The following GAN variants were observed in gnomAD, a reference collection of about 807,000 sequenced individuals.
The protein encoded by GAN is epididymis secretory sperm binding protein.
Under a neutral mutation model 71.3 loss-of-function variants are expected in GAN, and 48 were observed. The ratio of observed to expected loss-of-function variants is 0.67; its 90% confidence interval spans 0.53 to 0.86. The LOEUF (loss-of-function observed/expected upper bound fraction) is 0.86, where lower values mean the gene tolerates loss of function less well. Among genes scored for constraint, GAN ranks in the 40% least tolerant of loss-of-function variants. GAN has a pLI of 0.00. For missense variants in GAN, 928 were observed against 770.1 expected, an observed-to-expected ratio of 1.21 and a Z score of -2.43; for synonymous variants, 386 against 276.8, an observed-to-expected ratio of 1.39 and a Z score of -3.92.
chr16:81,337,182 T>C (rs957450594), intron 1 of GAN, among the ~76,000 whole-genome samples: 1 of 152,152 alleles, frequency 6.6e-6, no homozygotes, highest in African/African-American at 2.4e-5. Context: ...ATGTGAATTA[T>C]TAGTTTGGCA....
chr16:81,321,904 A>C (rs1297116237), intron 1 of GAN, among the ~76,000 whole-genome samples: 1 of 152,194 alleles, frequency 6.6e-6, no homozygotes, highest in African/African-American at 2.4e-5. Flanking sequence ...AGCCACAACA[A>C]ATCCAAAGAA....
intron 1 of GAN, among the ~76,000 whole-genome samples, chr16:81,324,122 A>G (rs1909303771): frequency 2.0e-5 from 3 of 152,190 alleles, no homozygotes; most frequent in Admixed American, 6.5e-5. Flanking sequence ...TAATTGGCTG[A>G]TTTGACCCTT....
intron 9 of GAN, among the ~76,000 whole-genome samples, chr16:81,376,673 CATATGTGT>C (rs1388411128): frequency 3.2e-4 from 47 of 145,114 alleles, no homozygotes; most frequent in African/African-American, 1.0e-3. Context: ...TGTGTATATA[CATATGTGT>C]ATATGTGTAT....
At position 81,364,319 on chromosome 16, in the gene GAN, G is replaced by T. The variant is rs59491967; in HGVS notation, c.1236+376G>T. Among the ~76,000 whole-genome samples the T allele has an allele frequency of 2.2e-3, 337 of 152,228 alleles. 1 individual carries two copies. The highest frequency in any genetic ancestry group is 7.8e-3 in the African/African-American group (324 of 41,552). On this transcript the variant is annotated intron_variant, in intron 7 of 10. Transcript: ENST00000648994. ...GGGTCTTACTCTGTTGCCCAGATTA[G>T]AGTGCGGTGGCGCCATCTTGGCTCA...
chr16:81,330,621 G>A (rs548682012), intron 1 of GAN, among the ~76,000 whole-genome samples: 1 of 152,344 alleles, frequency 6.6e-6, no homozygotes, highest in South Asian at 2.1e-4. Context: ...ATAGAGGATA[G>A]AAATCATCAT....
At chr16:81,345,830 A>G (rs909321525) in intron 1 of GAN, among the ~76,000 whole-genome samples, 1 of 152,172 alleles carries the variant, frequency 6.6e-6, no homozygotes, top group African/African-American at 2.4e-5. Flanking sequence ...GACGCATGCA[A>G]GTTTTCCACA....
chr16:81,333,739 A>G (rs1024508681), intron 1 of GAN, among the ~76,000 whole-genome samples: 1 of 152,218 alleles, frequency 6.6e-6, no homozygotes, highest in Admixed American at 6.5e-5. Flanking sequence ...AGTACCTAAT[A>G]TCTCACCTGG....
rs922323316 is a variant in GAN at position 81,314,978 on chromosome 16, T to C, written c.-136T>C. 13 of 704,280 alleles carry C rather than the reference T, an allele frequency of 1.8e-5. No individual in the cohort carries two copies. The highest frequency in any genetic ancestry group is 2.7e-5 in the Non-Finnish European group (13 of 484,134). 43.6% of individuals were successfully genotyped at this position (704,280 alleles called of 1,614,324 possible). On this transcript the variant is annotated 5_prime_UTR_variant, in exon 1 of 11. Coordinates refer to ENST00000648994, the MANE Select transcript of GAN (RefSeq NM_022041.4). The stretch of plus-strand genomic sequence containing the variant: ...GCGCGCCGCGGATAGCACAGGCACG[T>C]CCCGGGGGCTCCAGCTTCTGCTCAG...
chr16:81,362,558 G>A lies in GAN; in HGVS notation c.1033G>A (p.Glu345Lys). The A allele has an allele frequency of 1.9e-6, 3 of 1,610,410 alleles. No individual in the cohort carries two copies. Among genetic ancestry groups the A allele is most frequent in the Non-Finnish European group, 2.5e-6 (3 of 1,176,576 alleles). ...DENKQTLSSG[E>K]KYDPDANTWT... Reference sequence around the variant, plus strand: ...AAATAAGCAGACTCTTAGCTCAGGAGAAAAGTATGATCCAGATGCAAATAC... The same window carrying A: ...AAATAAGCAGACTCTTAGCTCAGGAAAAAAGTATGATCCAGATGCAAATAC... The change falls in exon 6 of 11, where the codon GAA becomes AAA. Residue 345 changes from glutamate to lysine, a missense_variant. Transcript: ENST00000648994.
Position 81,377,478 on chromosome 16 carries a change from C to A in GAN, c.1676C>A (p.Pro559Gln). 2 of 1,614,046 alleles carry A rather than the reference C, an allele frequency of 1.2e-6. No homozygotes were observed. The highest frequency in any genetic ancestry group is 1.7e-6 in the Non-Finnish European group (2 of 1,179,898). Residue 559 changes from proline (P) to glutamine (Q), a missense_variant, in exon 11 of 11, where the codon CCA (proline) becomes CAA (glutamine). Physicochemically the swap from Pro to Gln is moderately conservative, Grantham distance 76 (BLOSUM62 -1). Coordinates refer to ENST00000648994, the MANE Select transcript of GAN (RefSeq NM_022041.4). ...RSTGTWHHTK[P>Q]LLPSDLRRTG... is the part of the protein sequence containing the mutation. The stretch of plus-strand genomic sequence containing the variant: ...ACAGGAACCTGGCACCACACTAAAC[C>A]ACTCCTTCCATCCGACCTTCGCCGT...
At chr16:81,317,779 A>G (rs1236258694) in intron 1 of GAN, among the ~76,000 whole-genome samples, 4 of 152,196 alleles carry the variant, frequency 2.6e-5, no homozygotes, top group Admixed American at 2.0e-4. Flanking sequence ...GGCTTACAAT[A>G]TCTTAGAATT....
chr16:81,362,760 C>G (rs77970495), intron 6 of GAN, 149 bp downstream of exon 6: 2 of 698,108 alleles, frequency 2.9e-6, no homozygotes, highest in Non-Finnish European at 5.3e-6. Flanking sequence ...GTGCCCGGCT[C>G]TCCTCCCCTT....
At chr16:81,325,119 C>G (rs1909342401) in intron 1 of GAN, among the ~76,000 whole-genome samples, 1 of 152,202 alleles carries the variant, frequency 6.6e-6, no homozygotes, top group African/African-American at 2.4e-5. Flanking sequence ...AGATGATGTT[C>G]ATCACACTTA....
chr16:81,372,923 G>A (rs2150696234), intron 9 of GAN, among the ~76,000 whole-genome samples: 1 of 152,268 alleles, frequency 6.6e-6, no homozygotes, highest in Non-Finnish European at 1.5e-5. Context: ...TGGGAGGCAG[G>A]GGCCAAAATC....
At chr16:81,320,948 T>A (rs1909203721) in intron 1 of GAN, among the ~76,000 whole-genome samples, 1 of 152,166 alleles carries the variant, frequency 6.6e-6, no homozygotes, top group Admixed American at 6.5e-5. Flanking sequence ...AATCACAACC[T>A]TGTTTGATTA....
At chr16:81,376,648 ATGTGTGTATATATG>A (rs1472127861) in intron 9 of GAN, among the ~76,000 whole-genome samples, 2 of 150,764 alleles carry the variant, frequency 1.3e-5, no homozygotes, top group South Asian at 2.1e-4. Flanking sequence ...GTGTGTATAT[ATGTGTGTATATATG>A]TGTGTATATA....
intron 1 of GAN, among the ~76,000 whole-genome samples, chr16:81,349,527 C>T (rs535205747): frequency 9.8e-4 from 149 of 152,184 alleles, no homozygotes; most frequent in African/African-American, 3.6e-3. Context: ...GCCTGTAGTT[C>T]CGGCTACTTG....
chr16:81,369,712 C>G (rs1253683154), intron 9 of GAN, among the ~76,000 whole-genome samples: 1 of 152,188 alleles, frequency 6.6e-6, no homozygotes, highest in African/African-American at 2.4e-5. Context: ...CTGCCTCAGC[C>G]TCCTGAGTAG....
rs1219956004 is a variant in GAN at position 81,354,442 on chromosome 16, A to G, written c.320A>G (p.Gln107Arg). 1 of 1,613,004 alleles carries G rather than the reference A, an allele frequency of 6.2e-7. No individual in the cohort carries two copies. The highest frequency in any genetic ancestry group is 8.5e-7 in the Non-Finnish European group (1 of 1,178,882). The change falls in exon 3 of 11, where the codon CAG (glutamine) becomes CGG (arginine). Residue 107 changes from glutamine to arginine, a missense_variant. Physicochemically the swap from Gln to Arg is conservative, Grantham distance 43. Coordinates refer to ENST00000648994, the MANE Select transcript of GAN (RefSeq NM_022041.4). ...GAAGATACAATCCAAGATGTTGTTC[A>G]GGCAGCTGACCTGCTGCTACTGACG... The part of the protein sequence containing the change: ...LNEDTIQDVV[Q>R]AADLLLLTDL...
Sources: gnomAD v4.1 joint callset for allele counts (sites outside exome capture counted in the v4.1 genomes callset) on GRCh38, gnomAD v4.1.1 for gene constraint, MANE v1.5 for transcripts, NCBI Gene and HGNC (gene_info 2026-07-23, HGNC 2026-07-21) for gene names.